ZNF37A: variants seen among roughly 807,000 people sequenced by gnomAD.
The protein encoded by ZNF37A is zinc finger protein 37A, also known as zinc finger protein 37a (KOX 21).
Under a neutral mutation model 12.3 loss-of-function variants are expected in ZNF37A, and 10 were observed. That is an observed-to-expected ratio of 0.82 (90% CI 0.50 to 1.38). ZNF37A has a LOEUF of 1.38. ZNF37A is among the 40% of genes most tolerant of loss of function. The pLI is 0.00. For synonymous variants in ZNF37A, 207 were observed against 223.0 expected, an observed-to-expected ratio of 0.93 and a Z score of 0.64; for missense variants, 580 against 651.2, an observed-to-expected ratio of 0.89 and a Z score of 1.19.
At chr10:38,107,981 C>T (rs1480045780) in intron 5 of ZNF37A, among the ~76,000 whole-genome samples, 1 of 152,026 alleles carries the variant, frequency 6.6e-6, no homozygotes, top group East Asian at 1.9e-4. Context: ...AGAACTTTAA[C>T]TCAGCTCTGG....
chr10:38,096,507 T>A (rs1393996853), intron 4 of ZNF37A, 67 bp from the exon 5 acceptor site: 2 of 1,083,582 alleles, frequency 1.8e-6, no homozygotes, highest in Admixed American at 2.0e-5. Context: ...TCAGAGATGT[T>A]TTGCCGGCTG....
chr10:38,094,426 C>T lies in ZNF37A; in HGVS notation c.-556C>T, dbSNP rs1196264257. On this transcript the variant is annotated 5_prime_UTR_variant, in exon 1 of 8. Coordinates refer to ENST00000685332, the MANE Select transcript of ZNF37A (RefSeq NM_001324250.3). ...GCCATATGGCTCCAGGTTTGTTTTT[C>T]TCCCCGGCACTCTGACGGGGAGGGC... 2.0e-5 allele frequency: 3 copies of T among 152,158 alleles called. No homozygotes were observed. Among genetic ancestry groups the T allele is most frequent in the Non-Finnish European group, 4.4e-5 (3 of 68,072 alleles). 9.4% of individuals were successfully genotyped at this position (152,158 alleles called of 1,614,324 possible).
At position 38,136,440 on chromosome 10, in the gene ZNF37A, C is replaced by T. The variant is rs149992461; in HGVS notation, c.239-10292C>T. On this transcript the variant is annotated intron_variant, in intron 7 of 7. Transcript: ENST00000638053. ...AAGTGCTGGGATTACAGGTGTGAGCCACCATACCCAGCCTCAAAGCATTTT... is the reference window on the plus strand; with the variant it reads ...AAGTGCTGGGATTACAGGTGTGAGCTACCATACCCAGCCTCAAAGCATTTT... 1.0e-3 allele frequency among the ~76,000 whole-genome samples: 153 copies of T among 152,316 alleles called. No homozygotes were observed. In the Middle Eastern group the frequency reaches 0.01, roughly 10 times the overall value.
intron 7 of ZNF37A, among the ~76,000 whole-genome samples, chr10:38,135,197 C>T (rs1420468832): frequency 6.6e-6 from 1 of 152,070 alleles, no homozygotes; most frequent in African/African-American, 2.4e-5. Context: ...CCATCTTGGC[C>T]AACATTGTGA....
At chr10:38,112,304 G>A (rs1322651953) in intron 5 of ZNF37A, among the ~76,000 whole-genome samples, 1 of 151,956 alleles carries the variant, frequency 6.6e-6, no homozygotes, top group African/African-American at 2.4e-5. Context: ...TAAAACCTTC[G>A]GGTCTTTTGA....
At position 38,106,277 on chromosome 10, in the gene ZNF37A, C is replaced by T. The variant is rs2068080064; in HGVS notation, c.16-8478C>T. On this transcript the variant is annotated intron_variant, in intron 5 of 7. Transcript: ENST00000685332. ...GCCTGACTATTAGAAGGAAAACTAA[C>T]AAAGAGAAAGGAATAACATCAACAT... Among the ~76,000 whole-genome samples the T allele has an allele frequency of 2.0e-5, 3 of 152,100 alleles. 1 individual carries two copies. The highest frequency in any genetic ancestry group is 2.0e-4 in the Admixed American group (3 of 15,264).
chr10:38,133,734 T>C (rs1364940510), intron 7 of ZNF37A, among the ~76,000 whole-genome samples: 1 of 152,210 alleles, frequency 6.6e-6, no homozygotes, highest in Non-Finnish European at 1.5e-5. Context: ...TTTGGGTTGG[T>C]TCCAAGTCTT....
chr10:38,146,105 A>T (rs1377891138), intron 7 of ZNF37A, among the ~76,000 whole-genome samples: 5 of 152,230 alleles, frequency 3.3e-5, no homozygotes, highest in Non-Finnish European at 7.3e-5. Context: ...GTCTCAAACA[A>T]AAAGAAAGAA....
chr10:38,122,551 A>G lies in ZNF37A; in HGVS notation c.*3714A>G, dbSNP rs531610828. ...CATACATCTATGGTGACCACTTTTGACAAAGGAATGAAGAACATACACTGG... is the reference window on the plus strand; with the variant it reads ...CATACATCTATGGTGACCACTTTTGGCAAAGGAATGAAGAACATACACTGG... On this transcript the variant is annotated 3_prime_UTR_variant, in exon 8 of 8. Transcript: ENST00000685332. 6.6e-6 allele frequency: 1 copy of G among 152,350 alleles called. No individual in the cohort carries two copies. Among genetic ancestry groups the G allele is most frequent in the African/African-American group, 2.4e-5 (1 of 41,596 alleles). The allele number at this position is 152,350 out of a possible 1,614,324, so 9.4% of individuals were successfully genotyped here.
intron 5 of ZNF37A, among the ~76,000 whole-genome samples, chr10:38,114,282 T>G (rs1388567317): frequency 6.6e-6 from 1 of 152,232 alleles, no homozygotes; most frequent in African/African-American, 2.4e-5. Context: ...TAAGTTTTTC[T>G]TATATGTTTG....
Position 38,096,579 on chromosome 10 carries a change from C to G in ZNF37A, c.-39C>G. 3 of 1,607,352 alleles carry G rather than the reference C, an allele frequency of 1.9e-6. No individual in the cohort carries two copies. The highest frequency in any genetic ancestry group is 1.1e-5 in the South Asian group (1 of 89,352). On this transcript the variant is annotated 5_prime_UTR_variant, in exon 5 of 8. Transcript: ENST00000685332. Reference sequence around the variant, plus strand: ...GATCTTTTCTTATTTCTCAGCTACACCCTCACAGTTTGCTCTGCTCTTCCA... The same window carrying G: ...GATCTTTTCTTATTTCTCAGCTACAGCCTCACAGTTTGCTCTGCTCTTCCA...
intron 5 of ZNF37A, among the ~76,000 whole-genome samples, chr10:38,112,762 T>C (rs1342081939): frequency 0.051 from 3,044 of 60,042 alleles, 343 homozygotes; most frequent in Middle Eastern, 0.068. Flanking sequence ...TTTCTTTTCT[T>C]TTCTTTTCTT....
Position 38,119,360 on chromosome 10 carries a change from A to T in ZNF37A, c.*523A>T, listed in dbSNP as rs1223302843. ...TGTGTGAAGTCAAGAGGCCAGAGAA[A>T]ATGCACAAACTGTAGGAAACTATAG... On this transcript the variant is annotated 3_prime_UTR_variant, in exon 8 of 8. Coordinates refer to ENST00000685332, the MANE Select transcript of ZNF37A (RefSeq NM_001324250.3). 4 of 1,001,800 alleles carry T rather than the reference A, an allele frequency of 4.0e-6. No homozygotes were observed. The African/African-American group carries it at 7.0e-5, about 17-fold the overall frequency. 62.1% of individuals were successfully genotyped at this position (1,001,800 alleles called of 1,614,324 possible).
intron 7 of ZNF37A, among the ~76,000 whole-genome samples, chr10:38,130,635 A>AT (rs35644583): frequency 1.8e-3 from 261 of 143,766 alleles, no homozygotes; most frequent in Middle Eastern, 7.4e-3. Context: ...TAAGTTTTGC[A>AT]TTTTTTTTTT....
downstream of ZNF37A, among the ~76,000 whole-genome samples, chr10:38,127,208 T>C (rs1335912041): frequency 2.0e-5 from 3 of 152,092 alleles, no homozygotes; most frequent in Non-Finnish European, 2.9e-5. Context: ...CTAGTGAGAT[T>C]TGTAGTTGTA....
Position 38,117,753 on chromosome 10 carries a change from A to G in ZNF37A, c.602A>G (p.Tyr201Cys). The G allele has an allele frequency of 1.2e-6, 2 of 1,614,002 alleles. No individual in the cohort carries two copies. Among genetic ancestry groups the G allele is most frequent in the Admixed American group, 1.7e-5 (1 of 59,954 alleles). The part of the protein sequence containing the change: ...HQQTHPRENH[Y>C]GNECGENIFE... ...CAAACACATCCAAGAGAAAACCACT[A>G]TGGTAATGAATGTGGAGAAAATATC... Residue 201 changes from tyrosine (Y) to cysteine (C), a missense_variant, in exon 8 of 8, where the codon TAT becomes TGT. Tyr to Cys is a radical substitution (Grantham distance 194). Coordinates refer to ENST00000685332, the MANE Select transcript of ZNF37A (RefSeq NM_001324250.3).
Position 38,118,451 on chromosome 10 carries a change from A to T in ZNF37A, c.1300A>T (p.Thr434Ser). ...STLTKHLRTH[T>S]GEKPYECIQC... ...CCTTACTAAACATCTAAGAACTCAC[A>T]CAGGTGAGAAACCTTATGAATGTAT... Residue 434 changes from threonine to serine, a missense_variant, in exon 8 of 8, where the codon ACA becomes TCA. Thr to Ser is a moderately conservative substitution (Grantham distance 58). Coordinates refer to ENST00000685332, the MANE Select transcript of ZNF37A (RefSeq NM_001324250.3). The T allele has an allele frequency of 6.2e-7, 1 of 1,614,048 alleles. No homozygotes were observed. The highest frequency in any genetic ancestry group is 1.1e-5 in the South Asian group (1 of 91,090).
At chr10:38,133,064 ATAT>A (rs994532910) in intron 7 of ZNF37A, among the ~76,000 whole-genome samples, 22 of 152,016 alleles carry the variant, frequency 1.4e-4, no homozygotes, top group East Asian at 7.7e-4. Flanking sequence ...TTTTGTTTTA[ATAT>A]TATTATAGCC....
At chr10:38,131,519 G>C (rs1450850518) in intron 7 of ZNF37A, among the ~76,000 whole-genome samples, 1 of 151,996 alleles carries the variant, frequency 6.6e-6, no homozygotes, top group East Asian at 1.9e-4. Flanking sequence ...TTTACTTCTG[G>C]GATCTCCATT....
Sources: gnomAD v4.1 joint callset for allele counts (sites outside exome capture counted in the v4.1 genomes callset) on GRCh38, gnomAD v4.1.1 for gene constraint, MANE v1.5 for transcripts, NCBI Gene and HGNC (gene_info 2026-07-23, HGNC 2026-07-21) for gene names.